EPHA3: variants seen among roughly 807,000 people sequenced by gnomAD.
EPHA3 encodes the protein ephrin type-A receptor 3.
In EPHA3, 42 loss-of-function variants were observed where a neutral mutation model predicts 107.1. That is an observed-to-expected ratio of 0.39 (90% CI 0.31 to 0.51). The LOEUF (loss-of-function observed/expected upper bound fraction) is 0.51. Ranked by LOEUF, EPHA3 falls within the 20% of genes least tolerant of loss-of-function variation. The pLI, the probability that EPHA3 is intolerant of heterozygous loss-of-function variation, is 0.78. For synonymous variants in EPHA3, 461 were observed against 424.8 expected (o/e 1.09, Z -1.05); for missense variants, 1,183 against 1,211.2 (o/e 0.98, Z 0.35).
intron 7 of EPHA3, chr3:89,400,125 G>A (rs1222015008): frequency 4.5e-6 from 4 of 887,852 alleles, no homozygotes; most frequent in Non-Finnish European, 5.5e-6. Flanking sequence ...GTAAAATTAT[G>A]TCTATGGCAC....
At chr3:89,441,319 T>C (rs551456516) in intron 13 of EPHA3, among the ~76,000 whole-genome samples, 1 of 152,190 alleles carries the variant, frequency 6.6e-6, no homozygotes, top group Non-Finnish European at 1.5e-5. Context: ...TCTGTTAAGT[T>C]TGAATTGGAA....
At chr3:89,337,514 A>G (rs1707421011) in intron 3 of EPHA3, among the ~76,000 whole-genome samples, 1 of 152,250 alleles carries the variant, frequency 6.6e-6, no homozygotes, top group South Asian at 2.1e-4. Flanking sequence ...ATCTACAAAA[A>G]TTAAAATGTT....
intron 12 of EPHA3, 138 bp downstream of exon 12, chr3:89,429,305 G>T: frequency 1.8e-6 from 1 of 547,178 alleles, no homozygotes. Context: ...AATAGACAGA[G>T]AAGGGCTGTA....
chr3:89,468,029 C>T (rs1710322563), intron 15 of EPHA3, among the ~76,000 whole-genome samples: 1 of 152,126 alleles, frequency 6.6e-6, no homozygotes, highest in Non-Finnish European at 1.5e-5. Flanking sequence ...AACGCCAATG[C>T]CTGCAGCTGC....
chr3:89,473,686 G>A (rs1291382112), intron 16 of EPHA3, among the ~76,000 whole-genome samples: 1 of 152,158 alleles, frequency 6.6e-6, no homozygotes, highest in Non-Finnish European at 1.5e-5. Flanking sequence ...GTTACCAGGA[G>A]AGAAAGTAGG....
chr3:89,249,562 G>A (rs1292527484), intron 3 of EPHA3, among the ~76,000 whole-genome samples: 6 of 152,100 alleles, frequency 3.9e-5, no homozygotes, highest in Admixed American at 6.6e-5. Flanking sequence ...CTGGGCTCGA[G>A]CAATTCCCCC....
intron 3 of EPHA3, among the ~76,000 whole-genome samples, chr3:89,288,043 A>G (rs1317346428): frequency 2.0e-5 from 3 of 152,108 alleles, no homozygotes; most frequent in Non-Finnish European, 4.4e-5. Flanking sequence ...TGGAATAAAA[A>G]AACTAGAAAA....
intron 1 of EPHA3, among the ~76,000 whole-genome samples, chr3:89,109,606 C>G (rs1576154475): frequency 6.6e-6 from 1 of 151,954 alleles, no homozygotes; most frequent in East Asian, 1.9e-4. Flanking sequence ...AAAAAAGACA[C>G]CAAACTATTT....
At chr3:89,139,953 G>A (rs760081244) in intron 2 of EPHA3, among the ~76,000 whole-genome samples, 3 of 151,808 alleles carry the variant, frequency 2.0e-5, no homozygotes, top group Non-Finnish European at 4.4e-5. Context: ...CAAATCTGGA[G>A]ACACAGCAGA....
At chr3:89,299,208 G>T (rs2107342834) in intron 3 of EPHA3, among the ~76,000 whole-genome samples, 1 of 152,104 alleles carries the variant, frequency 6.6e-6, no homozygotes, top group East Asian at 1.9e-4. Flanking sequence ...GAATAATCAG[G>T]AGGAAGTGAC....
At chr3:89,156,897 A>G (rs191646508) in intron 2 of EPHA3, among the ~76,000 whole-genome samples, 9 of 151,772 alleles carry the variant, frequency 5.9e-5, no homozygotes, top group Non-Finnish European at 1.3e-4. Context: ...TTTGGAAAAA[A>G]AAATGTAACT....
Position 89,107,782 on chromosome 3 carries a change from AGCT to A in EPHA3, c.38_40del (p.Cys13del). The A allele has an allele frequency of 6.2e-7, 1 of 1,614,092 alleles. No homozygotes were observed. The highest frequency in any genetic ancestry group is 8.5e-7 in the Non-Finnish European group (1 of 1,180,014). On this transcript the variant is annotated inframe_deletion, in exon 1 of 17. Transcript: ENST00000336596. ...TCAGCTCTCCATCCTCCTCCTTCTC[AGCT>A]GCTCTGTTCTCGACAGCTTCGGGGA...
In EPHA3 at chr3:89,395,918, C is replaced by G. The variant is rs775011935; in HGVS notation, c.1388C>G (p.Pro463Arg). ...ISLSWQEPEH[P>R]NGIILDYEVK... ...TTGTCCTGGCAAGAACCTGAACATC[C>G]TAATGGGATCATATTGGACTACGAG... The change falls in exon 6 of 17, where the codon CCT becomes CGT. Residue 463 changes from proline to arginine, a missense_variant. By Grantham distance (103) the Pro-to-Arg change is moderately radical. Coordinates refer to ENST00000336596, the MANE Select transcript of EPHA3 (RefSeq NM_005233.6). 6.2e-7 allele frequency: 1 copy of G among 1,613,980 alleles called. No individual in the cohort carries two copies. Among genetic ancestry groups the G allele is most frequent in the Admixed American group, 1.7e-5 (1 of 59,990 alleles).
intron 15 of EPHA3, among the ~76,000 whole-genome samples, chr3:89,453,987 T>C (rs1710048839): frequency 1.3e-5 from 2 of 152,138 alleles, no homozygotes; most frequent in Admixed American, 6.6e-5. Context: ...GCTCTTTTTT[T>C]CTGTAGGATC....
intron 5 of EPHA3, among the ~76,000 whole-genome samples, chr3:89,381,393 G>A (rs1708504325): frequency 6.6e-6 from 1 of 152,012 alleles, no homozygotes; most frequent in Non-Finnish European, 1.5e-5. Context: ...TCATCAGCGT[G>A]GTATGATGGC....
intron 3 of EPHA3, among the ~76,000 whole-genome samples, chr3:89,230,016 A>T (rs1373720676): frequency 6.6e-6 from 1 of 152,110 alleles, no homozygotes; most frequent in East Asian, 1.9e-4. Context: ...ACCTTGAAAT[A>T]TATAAGTCAG....
rs752560194 is a variant in EPHA3, at chr3:89,450,327, C to T, written c.2647C>T (p.Arg883Trp). ...TGTTAGTATTCTGGACAAGCTTATC[C>T]GGAATCCCGGCAGCCTGAAGATCAT... ...QIVSILDKLI[R>W]NPGSLKIITS... Residue 883 changes from arginine to tryptophan, a missense_variant, in exon 15 of 17, where the codon CGG becomes TGG. Physicochemically the swap from Arg to Trp is moderately radical, Grantham distance 101. Coordinates refer to ENST00000336596, the MANE Select transcript of EPHA3 (RefSeq NM_005233.6). The T allele has an allele frequency of 9.3e-6, 15 of 1,613,542 alleles. No homozygotes were observed. Among genetic ancestry groups the T allele is most frequent in the East Asian group, 8.9e-5 (4 of 44,866 alleles).
intron 2 of EPHA3, among the ~76,000 whole-genome samples, chr3:89,164,143 T>C (rs1257044990): frequency 6.6e-6 from 1 of 152,176 alleles, no homozygotes; most frequent in Non-Finnish European, 1.5e-5. Context: ...AGCGCATGGA[T>C]CTACCAGGTA....
At chr3:89,198,881 A>G (rs1705905184) in intron 2 of EPHA3, among the ~76,000 whole-genome samples, 4 of 152,204 alleles carry the variant, frequency 2.6e-5, no homozygotes, top group African/African-American at 9.6e-5. Context: ...GGTCATTTGT[A>G]ATAATTCTGT....
Sources: gnomAD v4.1 joint callset for allele counts (sites outside exome capture counted in the v4.1 genomes callset) on GRCh38, gnomAD v4.1.1 for gene constraint, MANE v1.5 for transcripts, NCBI Gene and HGNC (gene_info 2026-07-23, HGNC 2026-07-21) for gene names.